Variants in SKAP1 observed in about 807,000 individuals in gnomAD.
SKAP1 encodes src kinase-associated phosphoprotein 1.
In SKAP1, 44 loss-of-function variants were observed where a neutral mutation model predicts 58.5. The ratio of observed to expected loss-of-function variants is 0.75; its 90% CI spans 0.59 to 0.97. The LOEUF (loss-of-function observed/expected upper bound fraction) is 0.97, where lower values mean the gene tolerates loss of function less well. Ranked by LOEUF, SKAP1 falls within the 50% of genes least tolerant of loss-of-function variation. The pLI is 0.00. For synonymous variants in SKAP1, 127 were observed against 149.7 expected (o/e 0.85, Z 1.11); for missense variants, 390 against 435.2 (o/e 0.90, Z 0.92).
chr17:48,305,025 T>A (rs2066117594), intron 4 of SKAP1, among the ~76,000 whole-genome samples: 1 of 152,214 alleles, frequency 6.6e-6, no homozygotes. Context: ...AAACTATGAC[T>A]TGGGCAAAAT....
intron 2 of SKAP1, chr17:48,382,689 A>T (rs558996907): frequency 6.6e-6 from 1 of 152,368 alleles, no homozygotes; most frequent in Non-Finnish European, 1.5e-5. Flanking sequence ...CAGTATACCT[A>T]GCACTGTGCA....
intron 1 of SKAP1, among the ~76,000 whole-genome samples, chr17:48,413,543 T>TATATATATATATATATATA (rs1567905650): frequency 1.7e-5 from 2 of 117,754 alleles, no homozygotes; most frequent in Admixed American, 9.4e-5. Context: ...TATATATATA[T>TATATATATATATATATATA]TTGCTCTTCA....
chr17:48,170,720 T>A, intron 9 of SKAP1, 61 bp from the exon 10 acceptor site: 1 of 1,474,848 alleles, frequency 6.8e-7, no homozygotes, highest in Non-Finnish European at 9.3e-7. Flanking sequence ...TTCTTTTTTT[T>A]TTTTTTCGAG....
intron 4 of SKAP1, among the ~76,000 whole-genome samples, chr17:48,219,483 C>T (rs2064977109): frequency 1.3e-5 from 2 of 152,160 alleles, no homozygotes; most frequent in Admixed American, 6.5e-5. Context: ...AACCCTTCCC[C>T]CTCTAGATTT....
At chr17:48,222,957 G>C (rs1015724514) in intron 4 of SKAP1, among the ~76,000 whole-genome samples, 1 of 150,274 alleles carries the variant, frequency 6.7e-6, no homozygotes, top group African/African-American at 2.4e-5. Context: ...CCAGCTACTC[G>C]GGAGGCTGAG....
intron 4 of SKAP1, among the ~76,000 whole-genome samples, chr17:48,200,259 T>A (rs933271856): frequency 1.0e-3 from 155 of 151,146 alleles, no homozygotes; most frequent in African/African-American, 3.6e-3. Flanking sequence ...ATCATGACAC[T>A]GCACTCCAGC....
chr17:48,235,797 C>CTTT (rs2065173899), intron 4 of SKAP1, among the ~76,000 whole-genome samples: 1 of 152,188 alleles, frequency 6.6e-6, no homozygotes, highest in Non-Finnish European at 1.5e-5. Context: ...CTTGCTTGTA[C>CTTT]TTGGACCAGT....
chr17:48,389,066 A>G (rs959947919), intron 2 of SKAP1, among the ~76,000 whole-genome samples: 1 of 152,260 alleles, frequency 6.6e-6, no homozygotes, highest in Non-Finnish European at 1.5e-5. Flanking sequence ...GCATTTAATT[A>G]TAACATATCT....
At chr17:48,137,630 G>A (rs879535230) in intron 11 of SKAP1, among the ~76,000 whole-genome samples, 3 of 152,174 alleles carry the variant, frequency 2.0e-5, no homozygotes, top group Non-Finnish European at 4.4e-5. Flanking sequence ...TGGCTTCTTA[G>A]AGAAAGTTGG....
At chr17:48,332,321 GCT>G (rs2066517813) in intron 4 of SKAP1, among the ~76,000 whole-genome samples, 1 of 151,706 alleles carries the variant, frequency 6.6e-6, no homozygotes, top group Non-Finnish European at 1.5e-5. Context: ...CTTTTTACAT[GCT>G]CTCTGGATAT....
chr17:48,308,091 G>C (rs147133543), intron 4 of SKAP1: 7 of 152,188 alleles, frequency 4.6e-5, no homozygotes, highest in African/African-American at 1.7e-4. Context: ...AGCTAATTAT[G>C]ATCTATAAAT....
intron 11 of SKAP1, among the ~76,000 whole-genome samples, chr17:48,138,476 T>G (rs1293706132): frequency 6.6e-6 from 1 of 151,752 alleles, no homozygotes; most frequent in Non-Finnish European, 1.5e-5. Context: ...TTCAAGCGAT[T>G]CTCCTGCCTC....
chr17:48,241,859 C>A (rs1054033468), intron 4 of SKAP1, among the ~76,000 whole-genome samples: 2 of 152,068 alleles, frequency 1.3e-5, no homozygotes, highest in African/African-American at 4.8e-5. Flanking sequence ...GTTACCTGTC[C>A]CAAAAGCACT....
intron 4 of SKAP1, among the ~76,000 whole-genome samples, chr17:48,275,268 T>C (rs1203671715): frequency 6.6e-6 from 1 of 152,218 alleles, no homozygotes; most frequent in African/African-American, 2.4e-5. Flanking sequence ...TGACCTCTTC[T>C]TAGTCCTTAT....
intron 2 of SKAP1, among the ~76,000 whole-genome samples, chr17:48,379,831 G>C (rs773360117): frequency 6.6e-6 from 1 of 151,820 alleles, no homozygotes; most frequent in South Asian, 2.1e-4. Context: ...ACAGGTGCCC[G>C]CCACCATGCA....
chr17:48,279,062 G>A (rs1278691489), intron 4 of SKAP1, among the ~76,000 whole-genome samples: 1 of 152,138 alleles, frequency 6.6e-6, no homozygotes, highest in Non-Finnish European at 1.5e-5. Context: ...CCTGACTTCT[G>A]AGTACTAAAT....
intron 9 of SKAP1, among the ~76,000 whole-genome samples, chr17:48,173,802 C>T (rs192592357): frequency 4.6e-5 from 7 of 152,310 alleles, no homozygotes; most frequent in African/African-American, 1.4e-4. Flanking sequence ...TGCTACTCCA[C>T]CTCCTTCCCA....
intron 4 of SKAP1, among the ~76,000 whole-genome samples, chr17:48,197,213 G>A (rs912216466): frequency 2.8e-5 from 4 of 141,230 alleles, no homozygotes; most frequent in East Asian, 2.1e-4. Flanking sequence ...AGCCGAGATT[G>A]CGCCACTGCA....
chr17:48,352,903 T>C (rs1421625323), intron 3 of SKAP1, among the ~76,000 whole-genome samples: 2 of 152,196 alleles, frequency 1.3e-5, no homozygotes, highest in Non-Finnish European at 2.9e-5. Context: ...GTTTAATAAA[T>C]CATGATCATT....
Sources: allele counts gnomAD v4.1 joint callset (sites outside exome capture counted in the v4.1 genomes callset), GRCh38; gene constraint gnomAD v4.1.1; transcripts MANE v1.5; gene names NCBI Gene and HGNC (gene_info 2026-07-23, HGNC 2026-07-21).